KCND2: variants seen among roughly 807,000 people sequenced by gnomAD.
The protein encoded by KCND2 is potassium voltage-gated channel subfamily D member 2.
A neutral mutation model predicts 54.4 loss-of-function variants in KCND2; 16 were observed. That is an observed-to-expected ratio of 0.29 (90% confidence interval 0.20 to 0.45). The LOEUF (loss-of-function observed/expected upper bound fraction) is 0.45. Among genes scored for constraint, KCND2 ranks in the 20% least tolerant of loss-of-function variants. The pLI, the probability that KCND2 is intolerant of heterozygous loss-of-function variation, is 1.00. For synonymous variants in KCND2, 317 were observed against 310.7 expected (o/e 1.02, Z -0.21); for missense variants, 486 against 824.2 (o/e 0.59, Z 5.02).
intron 1 of KCND2, among the ~76,000 whole-genome samples, chr7:120,652,313 G>A (rs1791745736): frequency 6.6e-6 from 1 of 151,884 alleles, no homozygotes; most frequent in Non-Finnish European, 1.5e-5. Context: ...TGAATTCGTG[G>A]TCCACTTGCC....
chr7:120,592,879 T>C (rs1792688753), intron 1 of KCND2, among the ~76,000 whole-genome samples: 1 of 152,190 alleles, frequency 6.6e-6, no homozygotes, highest in Admixed American at 6.5e-5. Context: ...TTTTAATACA[T>C]TTATTTTATG....
intron 1 of KCND2, among the ~76,000 whole-genome samples, chr7:120,397,042 T>C (rs1801164949): frequency 6.6e-6 from 1 of 151,950 alleles, no homozygotes; most frequent in South Asian, 2.1e-4. Flanking sequence ...TTTTCTTTCT[T>C]AGTTTATCTA....
chr7:120,745,540 A>G (rs2116189163), intron 4 of KCND2, among the ~76,000 whole-genome samples: 1 of 152,108 alleles, frequency 6.6e-6, no homozygotes, highest in East Asian at 1.9e-4. Context: ...AAGTTAGTCT[A>G]TAAAGGGACA....
chr7:120,278,047 C>T (rs990679188), intron 1 of KCND2, among the ~76,000 whole-genome samples: 2 of 151,916 alleles, frequency 1.3e-5, no homozygotes, highest in East Asian at 3.8e-4. Context: ...ATAGAGCAGT[C>T]ATACTTTTAA....
intron 1 of KCND2, among the ~76,000 whole-genome samples, chr7:120,443,492 G>A (rs548213282): frequency 5.9e-5 from 9 of 151,758 alleles, no homozygotes; most frequent in South Asian, 4.2e-4. Flanking sequence ...ATTTATTCTC[G>A]TGGTTTATAA....
chr7:120,525,873 T>C (rs1403128919), intron 1 of KCND2, among the ~76,000 whole-genome samples: 1 of 152,174 alleles, frequency 6.6e-6, no homozygotes, highest in Non-Finnish European at 1.5e-5. Context: ...AATTCTCCTT[T>C]AGAAATATTT....
At chr7:120,637,830 G>C (rs1330668059) in intron 1 of KCND2, among the ~76,000 whole-genome samples, 1 of 151,986 alleles carries the variant, frequency 6.6e-6, no homozygotes, top group African/African-American at 2.4e-5. Flanking sequence ...AGAGTTCTAG[G>C]ACCTAGCTTG....
chr7:120,695,831 G>A (rs1792326586), intron 1 of KCND2, among the ~76,000 whole-genome samples: 1 of 152,114 alleles, frequency 6.6e-6, no homozygotes, highest in African/African-American at 2.4e-5. Flanking sequence ...CAAAGTAGAA[G>A]GACACTGAGT....
intron 1 of KCND2, among the ~76,000 whole-genome samples, chr7:120,320,846 G>T (rs770176201): frequency 6.6e-6 from 1 of 152,100 alleles, no homozygotes; most frequent in Admixed American, 6.6e-5. Context: ...ATACAAAAAT[G>T]CAGGAAGAGC....
At chr7:120,671,109 A>T (rs1380555113) in intron 1 of KCND2, among the ~76,000 whole-genome samples, 1 of 152,014 alleles carries the variant, frequency 6.6e-6, no homozygotes, top group Non-Finnish European at 1.5e-5. Flanking sequence ...TAATGAGATA[A>T]GATTCGTTTT....
At chr7:120,693,883 T>C (rs1792302112) in intron 1 of KCND2, among the ~76,000 whole-genome samples, 1 of 151,984 alleles carries the variant, frequency 6.6e-6, no homozygotes, top group Non-Finnish European at 1.5e-5. Flanking sequence ...AGATGAAAAA[T>C]ATAACCATCT....
chr7:120,532,209 A>G (rs570366605), intron 1 of KCND2, among the ~76,000 whole-genome samples: 53 of 152,068 alleles, frequency 3.5e-4, no homozygotes, highest in Admixed American at 1.1e-3. Context: ...AAAAAATAAA[A>G]TCCATGTTTT....
chr7:120,304,045 C>A (rs572102627), intron 1 of KCND2, among the ~76,000 whole-genome samples: 1 of 152,206 alleles, frequency 6.6e-6, no homozygotes, highest in Non-Finnish European at 1.5e-5. Context: ...TATTCTGAAA[C>A]AACTAGACCA....
intron 1 of KCND2, among the ~76,000 whole-genome samples, chr7:120,328,469 T>A (rs1021199814): frequency 6.6e-6 from 1 of 152,142 alleles, no homozygotes; most frequent in East Asian, 1.9e-4. Flanking sequence ...AGCTAGTAAA[T>A]ATCAAAGTTG....
chr7:120,323,286 G>A (rs1324072629), intron 1 of KCND2, among the ~76,000 whole-genome samples: 2 of 151,694 alleles, frequency 1.3e-5, no homozygotes, highest in African/African-American at 4.8e-5. Flanking sequence ...TTAGCACAAT[G>A]GTTTTATTTA....
At chr7:120,543,132 C>G (rs924079970) in intron 1 of KCND2, among the ~76,000 whole-genome samples, 3 of 151,958 alleles carry the variant, frequency 2.0e-5, no homozygotes, top group Non-Finnish European at 4.4e-5. Context: ...AAAATCCAAG[C>G]AACATAACCT....
chr7:120,351,191 T>G (rs1800394174), intron 1 of KCND2, among the ~76,000 whole-genome samples: 1 of 148,656 alleles, frequency 6.7e-6, no homozygotes, highest in African/African-American at 2.4e-5. Flanking sequence ...GCAAATTATA[T>G]TTTATATTTT....
In KCND2 at chr7:120,604,540, T is replaced by C. The variant is rs576911117; in HGVS notation, c.1116-128363T>C. ...ATAATAATAATAATAATAATAATAATAATAATAATAATATTACTAATTAAA... is the reference window on the plus strand; with the variant it reads ...ATAATAATAATAATAATAATAATAACAATAATAATAATATTACTAATTAAA... On this transcript the variant is annotated intron_variant, in intron 1 of 5. Transcript: ENST00000331113. Among the ~76,000 whole-genome samples, 5 of 148,068 alleles carry C rather than the reference T, an allele frequency of 3.4e-5. 1 individual carries two copies. The Admixed American group carries it at 3.4e-4, about 10-fold the overall frequency.
rs139953551 is a variant in KCND2, at chr7:120,476,345, A to G, written c.1115+200598A>G. Among the ~76,000 whole-genome samples, 1,250 of 152,370 alleles carry G rather than the reference A, an allele frequency of 8.2e-3. 10 individuals carry two copies. The highest frequency in any genetic ancestry group is 0.041 in the Middle Eastern group (12 of 294). ...ACAGGGTAAGCAATTCTTAGCCATT[A>G]CTAGAGTATAAGCTGCTGAAAACAG... On this transcript the variant is annotated intron_variant, in intron 1 of 5. Transcript: ENST00000331113.
Sources: allele counts gnomAD v4.1 joint callset (sites outside exome capture counted in the v4.1 genomes callset), GRCh38; gene constraint gnomAD v4.1.1; transcripts MANE v1.5; gene names NCBI Gene and HGNC (gene_info 2026-07-23, HGNC 2026-07-21).